The following NUBPL variants were observed in gnomAD, a reference collection of about 807,000 sequenced individuals.
The protein encoded by NUBPL is iron-sulfur cluster transfer protein NUBPL.
NUBPL carries 31 observed loss-of-function variants against 45.7 expected under a neutral mutation model. The observed-to-expected ratio is 0.68, with a 90% CI of 0.51 to 0.92. The LOEUF is 0.92. NUBPL is among the 40% of genes least tolerant of loss of function. The pLI is 0.00. For synonymous variants in NUBPL, 144 were observed against 140.9 expected (o/e 1.02, Z -0.15); for missense variants, 401 against 398.7 (o/e 1.01, Z -0.05).
chr14:31,587,893 G>A (rs1281080242), intron 3 of NUBPL, among the ~76,000 whole-genome samples: 1 of 152,130 alleles, frequency 6.6e-6, no homozygotes, highest in African/African-American at 2.4e-5. Flanking sequence ...AGATTTTATA[G>A]TTGCCTGGGT....
chr14:31,706,915 T>G (rs1056146832), intron 6 of NUBPL, among the ~76,000 whole-genome samples: 4 of 152,240 alleles, frequency 2.6e-5, no homozygotes, highest in Non-Finnish European at 5.9e-5. Context: ...AACTTAAAAT[T>G]GGTATAGATG....
At chr14:31,802,596 G>C (rs1164145236) in intron 7 of NUBPL, among the ~76,000 whole-genome samples, 1 of 152,116 alleles carries the variant, frequency 6.6e-6, no homozygotes, top group Non-Finnish European at 1.5e-5. Flanking sequence ...TCTACACAAT[G>C]TCATGACGTA....
chr14:31,711,794 G>T (rs2037577262), intron 6 of NUBPL, among the ~76,000 whole-genome samples: 1 of 152,034 alleles, frequency 6.6e-6, no homozygotes, highest in Non-Finnish European at 1.5e-5. Context: ...ATTCCTTCCG[G>T]TGGGTTCATG....
chr14:31,630,148 G>T (rs2035304888), intron 4 of NUBPL, among the ~76,000 whole-genome samples: 1 of 152,140 alleles, frequency 6.6e-6, no homozygotes, highest in African/African-American at 2.4e-5. Context: ...CCATTAGACT[G>T]GGAGAGCAAA....
At chr14:31,646,194 G>A (rs7147510) in intron 4 of NUBPL, among the ~76,000 whole-genome samples, 13 of 151,554 alleles carry the variant, frequency 8.6e-5, no homozygotes, top group Admixed American at 5.9e-4. Flanking sequence ...CCCTTCCCCC[G>A]CTTTTTTTTT....
intron 6 of NUBPL, among the ~76,000 whole-genome samples, chr14:31,721,495 A>G (rs890833355): frequency 3.7e-4 from 56 of 152,178 alleles, no homozygotes; most frequent in African/African-American, 1.2e-3. Context: ...TATGTAGGGT[A>G]ATTTTTTTTT....
chr14:31,625,073 A>T (rs2035168597), intron 4 of NUBPL, among the ~76,000 whole-genome samples: 1 of 152,158 alleles, frequency 6.6e-6, no homozygotes, highest in Non-Finnish European at 1.5e-5. Context: ...CAAGTATAGG[A>T]TTGAGGGTAG....
At chr14:31,800,043 A>G (rs1595646363) in intron 7 of NUBPL, among the ~76,000 whole-genome samples, 2 of 152,206 alleles carry the variant, frequency 1.3e-5, no homozygotes, top group Non-Finnish European at 2.9e-5. Flanking sequence ...CCAGAAGTAG[A>G]TTCCATCTCA....
At position 31,672,834 on chromosome 14, in the gene NUBPL, T is replaced by C. The variant is rs547046364; in HGVS notation, c.383-521T>C. Among the ~76,000 whole-genome samples the C allele has an allele frequency of 1.2e-3, 181 of 152,346 alleles. 1 individual carries two copies. Among genetic ancestry groups the C allele is most frequent in the Middle Eastern group, 3.4e-3 (1 of 294 alleles). ...TTATCAATGTTGTGTCTATTGGAAA[T>C]AGTATGCTTGGTATAATGTTTAAAC... is the stretch of plus-strand genomic sequence containing the variant. On this transcript the variant is annotated intron_variant, in intron 4 of 10. Transcript: ENST00000281081.
rs1464617598 is a variant in NUBPL at position 31,565,193 on chromosome 14, C to T, written c.291+145C>T. On this transcript the variant is annotated intron_variant, in intron 3 of 10. Transcript: ENST00000281081. The stretch of plus-strand genomic sequence containing the variant: ...ATATCTTTAAGGAACTCAATGCTGC[C>T]ATCACTACTGGTTACATTTAATAAT... 55 of 519,620 alleles carry T rather than the reference C, an allele frequency of 1.1e-4. No individual in the cohort carries two copies. The East Asian group carries it at 1.6e-3, about 15-fold the overall frequency. 32.2% of individuals were successfully genotyped at this position (519,620 alleles called of 1,614,324 possible).
chr14:31,752,619 A>G (rs1267134650), intron 6 of NUBPL, among the ~76,000 whole-genome samples: 3 of 152,160 alleles, frequency 2.0e-5, no homozygotes, highest in African/African-American at 7.2e-5. Context: ...AGATATTCCA[A>G]AGTTTTCCAC....
chr14:31,666,798 C>G (rs1312112463), intron 4 of NUBPL, among the ~76,000 whole-genome samples: 1 of 152,080 alleles, frequency 6.6e-6, no homozygotes, highest in Non-Finnish European at 1.5e-5. Context: ...TTTTATTTCT[C>G]CTTCACTTAT....
chr14:31,570,349 G>A (rs555321493), intron 3 of NUBPL, among the ~76,000 whole-genome samples: 10 of 152,222 alleles, frequency 6.6e-5, no homozygotes, highest in Middle Eastern at 3.4e-3. Context: ...GTAGACACCA[G>A]TGTACTCTTA....
At chr14:31,727,273 A>G (rs1285970700) in intron 6 of NUBPL, among the ~76,000 whole-genome samples, 1 of 152,204 alleles carries the variant, frequency 6.6e-6, no homozygotes, top group Non-Finnish European at 1.5e-5. Flanking sequence ...TTGAAATATG[A>G]TGAATTCAAG....
intron 6 of NUBPL, among the ~76,000 whole-genome samples, chr14:31,777,908 G>T (rs2039124910): frequency 6.6e-6 from 1 of 152,218 alleles, no homozygotes; most frequent in African/African-American, 2.4e-5. Context: ...GGCATGAGTG[G>T]TGAAGCAGGC....
chr14:31,575,824 A>G (rs1242836671), intron 3 of NUBPL, among the ~76,000 whole-genome samples: 1 of 152,198 alleles, frequency 6.6e-6, no homozygotes, highest in African/African-American at 2.4e-5. Flanking sequence ...AAGGTATGCT[A>G]TTTTTGTTTA....
chr14:31,758,331 T>C (rs1566545733), intron 6 of NUBPL, among the ~76,000 whole-genome samples: 1 of 152,314 alleles, frequency 6.6e-6, no homozygotes, highest in African/African-American at 2.4e-5. Flanking sequence ...CAGCAATATA[T>C]AGTACAATTG....
intron 6 of NUBPL, among the ~76,000 whole-genome samples, chr14:31,779,518 A>T (rs1447066265): frequency 6.6e-6 from 1 of 152,166 alleles, no homozygotes; most frequent in Non-Finnish European, 1.5e-5. Context: ...ACAAGGGGTC[A>T]TAGTATCCTA....
rs1555342410 is a variant in NUBPL, at chr14:31,831,518, T to TACCATACCATACCATACC, written c.693+4805_693+4806insCCATACCATACCATACCA. ...CATACCATACCATACCATACCATAC[T>TACCATACCATACCATACC]ATACTCATACTATAAGCTCTATGAC... On this transcript the variant is annotated intron_variant, in intron 8 of 10. Transcript: ENST00000281081. Among the ~76,000 whole-genome samples, 340 of 60,738 alleles carry TACCATACCATACCATACC rather than the reference T, an allele frequency of 5.6e-3. 3 individuals carry two copies. Among genetic ancestry groups the TACCATACCATACCATACC allele is most frequent in the African/African-American group, 9.4e-3 (307 of 32,574 alleles). 39.8% of individuals were successfully genotyped at this position (60,738 alleles called of 152,430 possible).
Sources: gnomAD v4.1 joint callset for allele counts (sites outside exome capture counted in the v4.1 genomes callset) on GRCh38, gnomAD v4.1.1 for gene constraint, MANE v1.5 for transcripts, NCBI Gene and HGNC (gene_info 2026-07-23, HGNC 2026-07-21) for gene names.